SOX5: variants seen among roughly 807,000 people sequenced by gnomAD.
SOX5 encodes transcription factor SOX-5.
SOX5 carries 9 observed loss-of-function variants against 92.0 expected under a neutral mutation model. The observed-to-expected ratio is 0.10, with a 90% CI of 0.06 to 0.17. The LOEUF is 0.17. Among genes scored for constraint, SOX5 ranks in the 10% least tolerant of loss-of-function variants. The pLI is 1.00. For synonymous variants in SOX5, 344 were observed against 336.3 expected (o/e 1.02, Z -0.25); for missense variants, 642 against 944.5 (o/e 0.68, Z 4.20).
chr12:23,952,374 G>A (rs1945769251), upstream of SOX5, among the ~76,000 whole-genome samples: 1 of 152,170 alleles, frequency 6.6e-6, no homozygotes, highest in Non-Finnish European at 1.5e-5. Context: ...CTCTAATCTA[G>A]AAGGTCACCA....
chr12:24,131,928 T>C (rs1209137867), intron 4 of SOX5, among the ~76,000 whole-genome samples: 21 of 152,156 alleles, frequency 1.4e-4, no homozygotes, highest in African/African-American at 4.8e-5. Flanking sequence ...TTTTTTCTTT[T>C]TTATCTCTCA....
chr12:23,803,696 G>T (rs2095706386), intron 3 of SOX5, among the ~76,000 whole-genome samples: 1 of 152,212 alleles, frequency 6.6e-6, no homozygotes, highest in Non-Finnish European at 1.5e-5. Context: ...GAAATAGTGT[G>T]ATTAAGTGCT....
chr12:24,500,287 C>T (rs1433874076), intron 1 of SOX5, among the ~76,000 whole-genome samples: 4 of 151,940 alleles, frequency 2.6e-5, no homozygotes, highest in African/African-American at 4.8e-5. Context: ...TGAATTAGCC[C>T]GTTCTTGTTT....
intron 4 of SOX5, among the ~76,000 whole-genome samples, chr12:24,147,931 T>C (rs1855633073): frequency 1.3e-5 from 2 of 152,184 alleles, no homozygotes; most frequent in Admixed American, 1.3e-4. Flanking sequence ...ATTTACTTCA[T>C]TGGTCAGAGG....
chr12:24,482,537 T>C (rs1946102910), intron 1 of SOX5, among the ~76,000 whole-genome samples: 1 of 152,222 alleles, frequency 6.6e-6, no homozygotes, highest in South Asian at 2.1e-4. Context: ...TTAGATCTCC[T>C]AAGAAATAAA....
chr12:23,874,498 A>C (rs900614539), intron 2 of SOX5, among the ~76,000 whole-genome samples: 6 of 152,166 alleles, frequency 3.9e-5, no homozygotes, highest in African/African-American at 1.4e-4. Flanking sequence ...AAATGAAAGG[A>C]AAGGGGAGAG....
chr12:23,568,762 C>T (rs1473498500), intron 10 of SOX5, among the ~76,000 whole-genome samples: 1 of 152,114 alleles, frequency 6.6e-6, no homozygotes, highest in Non-Finnish European at 1.5e-5. Context: ...CTTCTCCATC[C>T]TCTGCTTTCA....
chr12:24,524,340 C>CT (rs1555335377), intron 1 of SOX5, among the ~76,000 whole-genome samples: 1 of 145,150 alleles, frequency 6.9e-6, no homozygotes, highest in African/African-American at 2.6e-5. Flanking sequence ...AATCCCCTCC[C>CT]ATCTATCTAT....
At chr12:23,745,859 T>C (rs1311963891) in intron 4 of SOX5, among the ~76,000 whole-genome samples, 1 of 152,178 alleles carries the variant, frequency 6.6e-6, no homozygotes, top group Non-Finnish European at 1.5e-5. Context: ...GTAGCTGCAA[T>C]AGCAGCAACT....
chr12:23,748,556 A>G (rs574815583), intron 4 of SOX5, among the ~76,000 whole-genome samples: 11 of 152,164 alleles, frequency 7.2e-5, no homozygotes, highest in African/African-American at 2.6e-4. Flanking sequence ...CAAATAAAGA[A>G]AAAGTACAAG....
At chr12:23,970,827 T>TAC (rs1269532135) in intron 4 of SOX5, among the ~76,000 whole-genome samples, 2 of 17,370 alleles carry the variant, frequency 1.2e-4, no homozygotes, top group Admixed American at 1.4e-3. Context: ...CATGGGACTT[T>TAC]ATATATATAT....
intron 2 of SOX5, among the ~76,000 whole-genome samples, chr12:23,892,804 G>C (rs1449520416): frequency 1.3e-5 from 2 of 152,042 alleles, no homozygotes; most frequent in African/African-American, 2.4e-5. Context: ...AACCTTTTTG[G>C]GTTACAGATC....
At chr12:24,532,830 T>A (rs2138674024) in intron 1 of SOX5, among the ~76,000 whole-genome samples, 1 of 152,304 alleles carries the variant, frequency 6.6e-6, no homozygotes, top group East Asian at 1.9e-4. Flanking sequence ...AGCACTCTGT[T>A]TGGAGGACAC....
chr12:24,473,414 C>A (rs11047469), intron 1 of SOX5, among the ~76,000 whole-genome samples: 27,781 of 152,186 alleles, frequency 0.18, 2,643 homozygotes, highest in Middle Eastern at 0.21. Context: ...CCCACAGAAG[C>A]CAGCTCTCAT....
chr12:24,485,200 G>A (rs905069627), intron 1 of SOX5, among the ~76,000 whole-genome samples: 5 of 152,088 alleles, frequency 3.3e-5, no homozygotes, highest in Admixed American at 6.6e-5. Context: ...TGTGAATACC[G>A]CATCCCAACA....
chr12:23,887,241 G>C (rs1001552990), intron 2 of SOX5, among the ~76,000 whole-genome samples: 6 of 152,096 alleles, frequency 3.9e-5, no homozygotes, highest in Admixed American at 2.0e-4. Context: ...AGAGCACAAT[G>C]GTGCTGATTC....
At chr12:24,020,568 A>G (rs941554684) in intron 4 of SOX5, among the ~76,000 whole-genome samples, 6 of 152,166 alleles carry the variant, frequency 3.9e-5, no homozygotes, top group Non-Finnish European at 8.8e-5. Flanking sequence ...TAAAAAAGAC[A>G]CAAGCTGCGG....
At chr12:23,856,300 T>C (rs1363037065) in intron 2 of SOX5, among the ~76,000 whole-genome samples, 1 of 152,054 alleles carries the variant, frequency 6.6e-6, no homozygotes, top group African/African-American at 2.4e-5. Flanking sequence ...AGTCTTAGAG[T>C]TTTAAAGGAC....
At chr12:24,086,067 T>A (rs936561416) in intron 4 of SOX5, among the ~76,000 whole-genome samples, 2 of 152,062 alleles carry the variant, frequency 1.3e-5, no homozygotes, top group Admixed American at 1.3e-4. Flanking sequence ...AAGTTTTCTT[T>A]TGCGTGGTTA....
Sources: allele counts gnomAD v4.1 joint callset (sites outside exome capture counted in the v4.1 genomes callset), GRCh38; gene constraint gnomAD v4.1.1; transcripts MANE v1.5; gene names NCBI Gene and HGNC (gene_info 2026-07-23, HGNC 2026-07-21).